The following PCDHGA6 variants were observed in gnomAD, a reference collection of about 807,000 sequenced individuals.
The protein encoded by PCDHGA6 is protocadherin gamma-A6.
In PCDHGA6, 41 loss-of-function variants were observed where a neutral mutation model predicts 60.6. The observed-to-expected ratio is 0.68, with a 90% confidence interval of 0.53 to 0.88. The LOEUF (loss-of-function observed/expected upper bound fraction) is 0.88. Among genes scored for constraint, PCDHGA6 ranks in the 40% least tolerant of loss-of-function variants. The pLI, the probability that PCDHGA6 is intolerant of heterozygous loss-of-function variation, is 0.00. For synonymous variants in PCDHGA6, 594 were observed against 524.4 expected (o/e 1.13, Z -1.81); for missense variants, 1,312 against 1,203.0 (o/e 1.09, Z -1.34).
intron 1 of PCDHGA6, chr5:141,394,181 C>T (rs1232533966): frequency 1.2e-6 from 2 of 1,613,928 alleles, no homozygotes; most frequent in East Asian, 4.5e-5. Flanking sequence ...CTCATGCCTC[C>T]TACTCAGCGT....
intron 1 of PCDHGA6, chr5:141,378,041 T>C (rs1774568031): frequency 6.6e-6 from 1 of 152,220 alleles, no homozygotes; most frequent in Admixed American, 6.5e-5. Flanking sequence ...AACAAGACTT[T>C]CCTTATCTAT....
chr5:141,477,361 G>A lies in PCDHGA6; in HGVS notation c.2425-17446G>A. The A allele has an allele frequency of 6.2e-7, 1 of 1,614,172 alleles. No individual in the cohort carries two copies. The highest frequency in any genetic ancestry group is 8.5e-7 in the Non-Finnish European group (1 of 1,180,032). Reference sequence around the variant, plus strand: ...TCACTTTGAAAACCAGTGCAGACCTGGATCGGGAGACTGTGCCAGAATACA... The same window carrying A: ...TCACTTTGAAAACCAGTGCAGACCTAGATCGGGAGACTGTGCCAGAATACA... On this transcript the variant is annotated intron_variant, in intron 1 of 3. Coordinates refer to ENST00000517434, the MANE Select transcript of PCDHGA6 (RefSeq NM_018919.3). The surrounding 1 kb of genome is among the most constrained non-coding windows in gnomAD (Gnocchi z 4.9).
In PCDHGA6 at chr5:141,476,833, C is replaced by T. The variant is rs746365316; in HGVS notation, c.2425-17974C>T. 1.4e-5 allele frequency: 23 copies of T among 1,613,524 alleles called. No homozygotes were observed. Among genetic ancestry groups the T allele is most frequent in the Non-Finnish European group, 1.9e-5 (23 of 1,180,050 alleles). On this transcript the variant is annotated intron_variant, in intron 1 of 3. Coordinates refer to ENST00000517434, the MANE Select transcript of PCDHGA6 (RefSeq NM_018919.3). The surrounding 1 kb of genome is among the most constrained non-coding windows in gnomAD (Gnocchi z 7.6). Reference sequence around the variant, plus strand: ...ACATCAAGGTGCTGGACGCGAATGACAATGCGCCTGTCTTCAACCAGTCCT... The same window carrying T: ...ACATCAAGGTGCTGGACGCGAATGATAATGCGCCTGTCTTCAACCAGTCCT...
At position 141,485,293 on chromosome 5, in the gene PCDHGA6, G is replaced by A. The variant is rs1356836741; in HGVS notation, c.2425-9514G>A. On this transcript the variant is annotated intron_variant, in intron 1 of 3. Transcript: ENST00000517434. The surrounding 1 kb of genome is among the most constrained non-coding windows in gnomAD (Gnocchi z 5.7). ...GCTACCCGGTCCCAGAGGAGTCACA[G>A]GAAGGGACTTTTGTAGGGAATGTCG... 1 of 1,614,170 alleles carries A rather than the reference G, an allele frequency of 6.2e-7. No individual in the cohort carries two copies.
rs368231432 is a variant in PCDHGA6 at position 141,374,734 on chromosome 5, C to T, written c.651C>T (p.Gly217=). Residue 217 remains glycine (G), a synonymous_variant, in exon 1 of 4, where the codon GGC becomes GGT. Coordinates refer to ENST00000517434, the MANE Select transcript of PCDHGA6 (RefSeq NM_018919.3). ...VYRLVLTAMD[G]GDPVRSSVAQ... ...GCCTGGTCCTTACTGCCATGGATGGCGGCGACCCTGTCCGCTCAAGCGTCG... is the reference window on the plus strand; with the variant it reads ...GCCTGGTCCTTACTGCCATGGATGGTGGCGACCCTGTCCGCTCAAGCGTCG... 43 of 1,610,046 alleles carry T rather than the reference C, an allele frequency of 2.7e-5. 2 individuals are homozygous for T. In the South Asian group the frequency reaches 4.2e-4, roughly 16 times the overall value.
chr5:141,389,712 A>G, intron 1 of PCDHGA6: 1 of 1,612,620 alleles, frequency 6.2e-7, no homozygotes, highest in East Asian at 2.2e-5. Context: ...GCTGCAGGCT[A>G]GCGAGCCCGG....
At chr5:141,433,034 C>G (rs1357694242) in intron 1 of PCDHGA6, 2 of 1,614,184 alleles carry the variant, frequency 1.2e-6, no homozygotes, top group Non-Finnish European at 1.7e-6. Flanking sequence ...CGAGGTTTCC[C>G]TCACCACGGA....
Position 141,375,347 on chromosome 5 carries a change from G to A in PCDHGA6, c.1264G>A (p.Val422Met). 2 of 1,613,852 alleles carry A rather than the reference G, an allele frequency of 1.2e-6. No individual in the cohort carries two copies. The highest frequency in any genetic ancestry group is 2.2e-5 in the South Asian group (2 of 91,090). The change falls in exon 1 of 4, where the codon GTG (valine) becomes ATG (methionine). Residue 422 changes from valine (V) to methionine (M), a missense_variant. Transcript: ENST00000517434. ...REEVFLYNIT[V>M]TATDKGTPPL... is the part of the protein sequence containing the mutation. ...AGAGGTATTCTTGTACAACATCACT[G>A]TGACAGCCACGGACAAAGGAACACC...
chr5:141,454,464 T>C (rs1365696226), intron 1 of PCDHGA6, among the ~76,000 whole-genome samples: 1 of 152,196 alleles, frequency 6.6e-6, no homozygotes, highest in Non-Finnish European at 1.5e-5. Flanking sequence ...TGGAGTGCAA[T>C]GGCATGATCT....
In PCDHGA6 at chr5:141,505,598, C is replaced by T. The variant is rs532473064; in HGVS notation, c.2572+117C>T. The T allele has an allele frequency of 1.4e-3, 2,157 of 1,556,732 alleles. 3 individuals are homozygous for T. Among genetic ancestry groups the T allele is most frequent in the Non-Finnish European group, 1.8e-3 (2,025 of 1,148,246 alleles). ...ACCTGTGTAGTTTCTCCAGATCTTT[C>T]GGCAGGTCTGAAAGGACCCACAATT... On this transcript the variant is annotated intron_variant, in intron 3 of 3. Coordinates refer to ENST00000517434, the MANE Select transcript of PCDHGA6 (RefSeq NM_018919.3).
In PCDHGA6 at chr5:141,432,897, C is replaced by A. The variant is rs780142081; in HGVS notation, c.2424+56390C>A. 1.2e-6 allele frequency: 2 copies of A among 1,614,178 alleles called. No individual in the cohort carries two copies. Among genetic ancestry groups the A allele is most frequent in the Non-Finnish European group, 1.7e-6 (2 of 1,180,010 alleles). On this transcript the variant is annotated intron_variant, in intron 1 of 3. Coordinates refer to ENST00000517434, the MANE Select transcript of PCDHGA6 (RefSeq NM_018919.3). The surrounding 1 kb of genome is among the most constrained non-coding windows in gnomAD (Gnocchi z 6.0). ...CTGGCCTTCGTCATCTTGCTGCTGGCGCTCAGGCTGCGGCGCTGGCACAAG... is the reference window on the plus strand; with the variant it reads ...CTGGCCTTCGTCATCTTGCTGCTGGAGCTCAGGCTGCGGCGCTGGCACAAG...
intron 1 of PCDHGA6, among the ~76,000 whole-genome samples, chr5:141,467,055 C>CTTTTTTTTTTTTTTTTTTT (rs1193465269): frequency 7.4e-6 from 1 of 134,498 alleles, no homozygotes; most frequent in Non-Finnish European, 1.6e-5. Context: ...TCAATGTTTT[C>CTTTTTTTTTTTTTTTTTTT]TTTTTTTTTT....
chr5:141,404,463 A>G lies in PCDHGA6; in HGVS notation c.2424+27956A>G, dbSNP rs969137248. 10 of 1,612,548 alleles carry G rather than the reference A, an allele frequency of 6.2e-6. No homozygotes were observed. In the South Asian group the frequency reaches 9.9e-5, roughly 16 times the overall value. ...ATCCAAGGGTCTCCTCTCTCCACCTATGTCTCTATTAACTCAGACACTGGT... is the reference window on the plus strand; with the variant it reads ...ATCCAAGGGTCTCCTCTCTCCACCTGTGTCTCTATTAACTCAGACACTGGT... On this transcript the variant is annotated intron_variant, in intron 1 of 3. Transcript: ENST00000517434.
chr5:141,387,555 A>G (rs1236867307), intron 1 of PCDHGA6: 10 of 410,246 alleles, frequency 2.4e-5, no homozygotes, highest in Non-Finnish European at 4.3e-5. Flanking sequence ...TCTTTCAGTT[A>G]GGCACACAAT....
intron 1 of PCDHGA6, chr5:141,413,494 G>C: frequency 6.2e-7 from 1 of 1,614,042 alleles, no homozygotes; most frequent in Non-Finnish European, 8.5e-7. Flanking sequence ...CGCGCGGTGC[G>C]TGGTGAGTTT....
At chr5:141,407,980 C>G in intron 1 of PCDHGA6, 1 of 760,358 alleles carries the variant, frequency 1.3e-6, no homozygotes, top group Non-Finnish European at 2.0e-6. Flanking sequence ...CGCCGGGGAT[C>G]CGTCAGCCTC....
At position 141,490,357 on chromosome 5, in the gene PCDHGA6, A is replaced by G; in HGVS notation, c.2425-4450A>G. ...AGTGGGCACAGTAGTGGGGTTGTTT[A>G]ATGTGCGAGACCGGGACTCAGGTAG... On this transcript the variant is annotated intron_variant, in intron 1 of 3. Transcript: ENST00000517434. This position sits in a 1 kb window ranked among gnomAD's most constrained non-coding sequence, Gnocchi z 5.4. The G allele has an allele frequency of 6.2e-7, 1 of 1,614,178 alleles. No individual in the cohort carries two copies. The highest frequency in any genetic ancestry group is 8.5e-7 in the Non-Finnish European group (1 of 1,180,030).
intron 1 of PCDHGA6, chr5:141,414,929 C>T (rs2095802879): frequency 6.2e-7 from 1 of 1,614,152 alleles, no homozygotes; most frequent in Non-Finnish European, 8.5e-7. Context: ...GCGCCCCGCT[C>T]CGCAGAGCCC....
In PCDHGA6 at chr5:141,374,990, A is replaced by G; in HGVS notation, c.907A>G (p.Thr303Ala). ...CLNVLTGEIS[T>A]SANLDYEDSS... ...GAATGTTTTGACTGGAGAAATTTCA[A>G]CTTCTGCAAATCTAGACTATGAGGA... The change falls in exon 1 of 4, where the codon ACT becomes GCT. Residue 303 changes from threonine to alanine, a missense_variant. Thr to Ala is a moderately conservative substitution (Grantham distance 58). Transcript: ENST00000517434. 1.9e-6 allele frequency: 3 copies of G among 1,614,046 alleles called. No homozygotes were observed. The highest frequency in any genetic ancestry group is 2.5e-6 in the Non-Finnish European group (3 of 1,179,902).
Sources: allele counts gnomAD v4.1 joint callset (sites outside exome capture counted in the v4.1 genomes callset), GRCh38; gene constraint gnomAD v4.1.1; non-coding constraint Gnocchi (gnomAD v3.1); transcripts MANE v1.5; gene names NCBI Gene and HGNC (gene_info 2026-07-23, HGNC 2026-07-21).